ATP10A: variants seen among roughly 807,000 people sequenced by gnomAD.
ATP10A encodes the protein phospholipid-transporting ATPase VA.
A neutral mutation model predicts 147.8 loss-of-function variants in ATP10A; 111 were observed. The ratio of observed to expected loss-of-function variants is 0.75; its 90% CI spans 0.64 to 0.88. The LOEUF (loss-of-function observed/expected upper bound fraction) is 0.88. Among genes scored for constraint, ATP10A ranks in the 40% least tolerant of loss-of-function variants. The probability of loss-of-function intolerance (pLI) is 0.00; values close to 1 mark genes in which losing one functional copy is unlikely to be tolerated. For synonymous variants in ATP10A, 875 were observed against 841.6 expected (o/e 1.04, Z -0.69); for missense variants, 1,927 against 1,959.0 (o/e 0.98, Z 0.31).
intron 16 of ATP10A, chr15:25,683,814 A>C: frequency 2.9e-6 from 1 of 348,174 alleles, no homozygotes; most frequent in Non-Finnish European, 5.4e-6. Flanking sequence ...AAGGTTTCAC[A>C]GGGGTGTAGG....
intron 14 of ATP10A, among the ~76,000 whole-genome samples, chr15:25,693,355 C>T (rs1900138320): frequency 6.6e-6 from 1 of 152,166 alleles, no homozygotes; most frequent in Non-Finnish European, 1.5e-5. Context: ...ATTACTTTCC[C>T]GTTTTCTTTT....
chr15:25,688,023 C>T (rs777746777), intron 15 of ATP10A, 195 bp from the exon 16 acceptor site: 2 of 674,372 alleles, frequency 3.0e-6, no homozygotes, highest in Non-Finnish European at 5.3e-6. Flanking sequence ...GGCAATCTCA[C>T]CCAACACGCT....
downstream of ATP10A, among the ~76,000 whole-genome samples, chr15:25,672,359 A>T (rs749934668): frequency 2.4e-4 from 36 of 152,182 alleles, no homozygotes; most frequent in Non-Finnish European, 5.0e-4. Context: ...TTCTATGTAG[A>T]GTCCATATTT....
chr15:25,747,024 C>A (rs371455014), intron 2 of ATP10A, among the ~76,000 whole-genome samples: 1 of 152,144 alleles, frequency 6.6e-6, no homozygotes. Flanking sequence ...GGCTGGCTCA[C>A]GCCTGTAATC....
In ATP10A at chr15:25,750,179, TA is replaced by T. The variant is rs900230230; in HGVS notation, c.655-14039del. ...GATCAATTTGCTTAAAACTAGTAAT[TA>T]AAAAAAAAACTTGCAAGCAGCTGTG... On this transcript the variant is annotated intron_variant, in intron 2 of 20. Coordinates refer to ENST00000555815, the MANE Select transcript of ATP10A (RefSeq NM_024490.4). 3.1e-3 allele frequency among the ~76,000 whole-genome samples: 453 copies of T among 147,714 alleles called. 1 individual carries two copies. Among genetic ancestry groups the T allele is most frequent in the African/African-American group, 0.01 (405 of 40,440 alleles).
chr15:25,811,311 G>T (rs1349108245), intron 1 of ATP10A, among the ~76,000 whole-genome samples: 1 of 152,182 alleles, frequency 6.6e-6, no homozygotes, highest in African/African-American at 2.4e-5. Context: ...GGAGGACAGA[G>T]GCAAACTTTT....
intron 1 of ATP10A, among the ~76,000 whole-genome samples, chr15:25,861,519 T>A (rs1893758578): frequency 6.6e-6 from 1 of 152,142 alleles, no homozygotes; most frequent in Non-Finnish European, 1.5e-5. Context: ...CATGGCTTCA[T>A]CCAAGCTATG....
intron 1 of ATP10A, among the ~76,000 whole-genome samples, chr15:25,828,739 T>C (rs1256051466): frequency 5.3e-5 from 8 of 152,222 alleles, no homozygotes; most frequent in Admixed American, 4.6e-4. Flanking sequence ...TCTTAAAATA[T>C]AATTTAATAA....
intron 1 of ATP10A, among the ~76,000 whole-genome samples, chr15:25,798,834 C>T (rs948610041): frequency 1.3e-5 from 2 of 152,200 alleles, no homozygotes; most frequent in African/African-American, 4.8e-5. Context: ...CCCTTCACTC[C>T]TCCTCGGGAG....
intron 15 of ATP10A, among the ~76,000 whole-genome samples, chr15:25,690,314 GTTCAC>G (rs1449910240): frequency 6.6e-6 from 1 of 150,538 alleles, no homozygotes; most frequent in Non-Finnish European, 1.5e-5. Context: ...TGCAATCATA[GTTCAC>G]TTCAGGCTCA....
At chr15:25,853,826 G>T (rs1567434049) in intron 1 of ATP10A, among the ~76,000 whole-genome samples, 1 of 151,794 alleles carries the variant, frequency 6.6e-6, no homozygotes, top group East Asian at 1.9e-4. Flanking sequence ...GAATCCAAAA[G>T]AATCAGCTAA....
intron 2 of ATP10A, among the ~76,000 whole-genome samples, chr15:25,780,058 G>C (rs2140702709): frequency 6.6e-6 from 1 of 152,276 alleles, no homozygotes; most frequent in African/African-American, 2.4e-5. Flanking sequence ...AGGGATGCTA[G>C]AGCCCCCCAC....
intron 1 of ATP10A, among the ~76,000 whole-genome samples, chr15:25,815,376 GCA>G (rs1891605380): frequency 6.6e-6 from 1 of 152,130 alleles, no homozygotes; most frequent in Non-Finnish European, 1.5e-5. Context: ...TTTTATATGT[GCA>G]CAGACTTCTC....
intron 13 of ATP10A, among the ~76,000 whole-genome samples, chr15:25,696,974 C>G (rs1321938620): frequency 1.3e-5 from 2 of 152,128 alleles, no homozygotes; most frequent in African/African-American, 4.8e-5. Context: ...CCCCACTTGG[C>G]GCTGGATGCA....
Position 25,726,003 on chromosome 15 carries a change from G to T in ATP10A, c.927C>A (p.Asp309Glu). ...CAAGGAGCAGGACACACCAGAGCAC[G>T]TCGCAGTTCATCTGCCTCTCCAGCT... ...RSKLERQMNC[D>E]VLWCVLLLVC... is the part of the protein sequence containing the mutation. The change falls in exon 5 of 21, where the codon GAC (aspartate) becomes GAA (glutamate). Residue 309 changes from aspartate to glutamate, a missense_variant. Transcript: ENST00000555815. 6.2e-7 allele frequency: 1 copy of T among 1,614,108 alleles called. No homozygotes were observed. Among genetic ancestry groups the T allele is most frequent in the Non-Finnish European group, 8.5e-7 (1 of 1,180,008 alleles).
rs139991309 is a variant in ATP10A at position 25,688,840 on chromosome 15, C to T, written c.3166-1012G>A. ...AAAGCAAATGTCCCTCTACCTCTTG[C>T]TGTCAACACATAGGGGCTTAAAAGG... is the stretch of plus-strand genomic sequence containing the variant. On this transcript the variant is annotated intron_variant, in intron 15 of 20. Coordinates refer to ENST00000555815, the MANE Select transcript of ATP10A (RefSeq NM_024490.4). 4.1e-3 allele frequency among the ~76,000 whole-genome samples: 617 copies of T among 152,306 alleles called. 4 individuals are homozygous for T. The highest frequency in any genetic ancestry group is 0.014 in the African/African-American group (592 of 41,556).
intron 1 of ATP10A, among the ~76,000 whole-genome samples, chr15:25,784,706 C>G (rs1361468470): frequency 4.6e-5 from 7 of 152,118 alleles, no homozygotes; most frequent in Admixed American, 1.3e-4. Context: ...GGGCGGATCA[C>G]AAGGTCAGGA....
intron 1 of ATP10A, among the ~76,000 whole-genome samples, chr15:25,837,065 T>A (rs1421982485): frequency 6.6e-6 from 1 of 152,226 alleles, no homozygotes; most frequent in East Asian, 1.9e-4. Flanking sequence ...ATATCCATCA[T>A]TTCACACAGT....
chr15:25,745,897 C>T (rs1392768727), intron 2 of ATP10A, among the ~76,000 whole-genome samples: 6 of 151,902 alleles, frequency 3.9e-5, no homozygotes, highest in Middle Eastern at 3.2e-3. Context: ...ATATAATTTC[C>T]GAACCAACCA....
Sources: allele counts gnomAD v4.1 joint callset (sites outside exome capture counted in the v4.1 genomes callset), GRCh38; gene constraint gnomAD v4.1.1; transcripts MANE v1.5; gene names NCBI Gene and HGNC (gene_info 2026-07-23, HGNC 2026-07-21).